CALB2: variants seen among roughly 807,000 people sequenced by gnomAD.
CALB2 encodes calbindin 2, also known as calretinin.
In CALB2, 34 loss-of-function variants were observed where a neutral mutation model predicts 45.9. The ratio of observed to expected loss-of-function variants is 0.74; its 90% CI spans 0.56 to 0.99. The LOEUF (loss-of-function observed/expected upper bound fraction) is 0.99. Ranked by LOEUF, CALB2 falls within the 50% of genes least tolerant of loss-of-function variation. The pLI, the probability that CALB2 is intolerant of heterozygous loss-of-function variation, is 0.00. For synonymous variants in CALB2, 142 were observed against 129.6 expected (o/e 1.10, Z -0.65); for missense variants, 344 against 339.3 (o/e 1.01, Z -0.11).
intron 10 of CALB2, among the ~76,000 whole-genome samples, chr16:71,388,648 C>T (rs1042728513): frequency 2.6e-5 from 4 of 151,998 alleles, no homozygotes; most frequent in South Asian, 4.2e-4. Flanking sequence ...AGTAGGCTGG[C>T]GAGCTTTATT....
intron 5 of CALB2, 91 bp from the exon 6 acceptor site, chr16:71,383,276 A>G: frequency 8.7e-7 from 1 of 1,144,706 alleles, no homozygotes. Flanking sequence ...ACACACACAC[A>G]TTGAGAGACT....
chr16:71,378,908 A>G (rs1340976613), intron 4 of CALB2, among the ~76,000 whole-genome samples: 4 of 152,356 alleles, frequency 2.6e-5, no homozygotes, highest in Admixed American at 2.6e-4. Flanking sequence ...ACAAAAGTCC[A>G]GTGAGGATTC....
chr16:71,374,835 G>A lies in CALB2; in HGVS notation c.261+1G>A, dbSNP rs1199190211. Reference sequence around the variant, plus strand: ...AGATGGGAAAATCGAGATGGCAGAGGTGAGCCCTGCCTCGCTGGTAAAGAG... The same window carrying A: ...AGATGGGAAAATCGAGATGGCAGAGATGAGCCCTGCCTCGCTGGTAAAGAG... On this transcript the variant is annotated splice_donor_variant, in intron 3 of 10. Transcript: ENST00000302628. LOFTEE classifies it high-confidence loss of function. The A allele has an allele frequency of 6.3e-7, 1 of 1,597,618 alleles. No homozygotes were observed. The highest frequency in any genetic ancestry group is 8.6e-7 in the Non-Finnish European group (1 of 1,165,322).
At chr16:71,376,769 C>T (rs1285793604) in intron 3 of CALB2, among the ~76,000 whole-genome samples, 2 of 151,618 alleles carry the variant, frequency 1.3e-5, no homozygotes, top group African/African-American at 4.9e-5. Context: ...CCACATATAT[C>T]TACATGCAAC....
intron 1 of CALB2, among the ~76,000 whole-genome samples, chr16:71,364,351 C>A (rs1046609794): frequency 6.6e-6 from 1 of 152,234 alleles, no homozygotes; most frequent in Non-Finnish European, 1.5e-5. Context: ...ACTTCAGCAG[C>A]TTTACCAGCC....
Position 71,380,497 on chromosome 16 carries a change from G to A in CALB2, c.343-2222G>A, listed in dbSNP as rs551091704. Among the ~76,000 whole-genome samples, 10 of 151,546 alleles carry A rather than the reference G, an allele frequency of 6.6e-5. No individual in the cohort carries two copies. The South Asian group carries it at 1.9e-3, about 28-fold the overall frequency. On this transcript the variant is annotated intron_variant, in intron 4 of 10. Coordinates refer to ENST00000302628, the MANE Select transcript of CALB2 (RefSeq NM_001740.5). The stretch of plus-strand genomic sequence containing the variant: ...TGAATTTTGTATTTTTAATAGAGAC[G>A]GGGTTTCTCCATGCTGGTCAGGCTG...
chr16:71,384,360 C>T lies in CALB2; in HGVS notation c.555C>T (p.Asn185=), dbSNP rs747568029. The T allele has an allele frequency of 1.8e-5, 29 of 1,611,074 alleles. No homozygotes were observed. The South Asian group carries it at 3.2e-4, about 18-fold the overall frequency. The change falls in exon 8 of 11, where the codon AAC becomes AAT. Residue 185 remains asparagine, a synonymous_variant. Coordinates refer to ENST00000302628, the MANE Select transcript of CALB2 (RefSeq NM_001740.5). ...CCAGACTCCTGCCTGTCCAGGAAAA[C>T]TTCCTGCTTAAATTTCAGGTAAAAC... ...EMSRLLPVQE[N]FLLKFQGMKL... is the part of the protein sequence containing the mutation.
intron 4 of CALB2, among the ~76,000 whole-genome samples, chr16:71,382,379 T>C (rs1027254963): frequency 5.9e-5 from 9 of 152,172 alleles, no homozygotes; most frequent in East Asian, 3.9e-4. Context: ...TACAGGACCA[T>C]TGGATGAGTT....
intron 8 of CALB2, 141 bp downstream of exon 8, chr16:71,384,519 AAC>A (rs1032740992): frequency 1.5e-5 from 11 of 716,486 alleles, no homozygotes; most frequent in African/African-American, 7.6e-5. Flanking sequence ...CCACACACAC[AAC>A]ACACACAGAT....
chr16:71,377,621 G>A (rs373286098), intron 3 of CALB2, 46 bp from the exon 4 acceptor site: 29 of 1,397,340 alleles, frequency 2.1e-5, no homozygotes, highest in Non-Finnish European at 2.5e-5. Context: ...TCTGCTCCCT[G>A]TCAAGTCCCT....
intron 3 of CALB2, among the ~76,000 whole-genome samples, chr16:71,376,708 C>CCCACATACAACCACATACAT (rs2042419218): frequency 1.3e-5 from 2 of 151,388 alleles, no homozygotes; most frequent in African/African-American, 4.8e-5. Flanking sequence ...ACCACATGCA[C>CCCACATACAACCACATACAT]CCACATACAA....
intron 6 of CALB2, 96 bp downstream of exon 6, chr16:71,383,540 T>C (rs2042525997): frequency 6.3e-6 from 7 of 1,109,254 alleles, no homozygotes; most frequent in Middle Eastern, 2.4e-4. Context: ...TTGCTGATTC[T>C]TCAGGCCCAA....
At position 71,384,844 on chromosome 16, in the gene CALB2, A is replaced by G; in HGVS notation, c.627+8A>G. Reference sequence around the variant, plus strand: ...TTCACATTTTACGACAAGGTAAGAGAGGGAGTTGGCATGGCAGGGAAAATC... The same window carrying G: ...TTCACATTTTACGACAAGGTAAGAGGGGGAGTTGGCATGGCAGGGAAAATC... On this transcript the variant is annotated splice_region_variant and intron_variant, in intron 9 of 10. Coordinates refer to ENST00000302628, the MANE Select transcript of CALB2 (RefSeq NM_001740.5). The G allele has an allele frequency of 1.2e-6, 2 of 1,611,984 alleles. No homozygotes were observed. The highest frequency in any genetic ancestry group is 1.7e-6 in the Non-Finnish European group (2 of 1,178,608).
At chr16:71,381,126 T>G (rs1286487973) in intron 4 of CALB2, among the ~76,000 whole-genome samples, 1 of 152,186 alleles carries the variant, frequency 6.6e-6, no homozygotes, top group Non-Finnish European at 1.5e-5. Flanking sequence ...TTTAGGCAAC[T>G]TGGAGGGGGT....
chr16:71,379,523 C>G (rs1352641793), intron 4 of CALB2, among the ~76,000 whole-genome samples: 1 of 152,150 alleles, frequency 6.6e-6, no homozygotes, highest in Non-Finnish European at 1.5e-5. Flanking sequence ...AGCAAACTAC[C>G]AATTATTTCT....
intron 3 of CALB2, among the ~76,000 whole-genome samples, chr16:71,376,556 C>T (rs748090235): frequency 3.9e-5 from 6 of 152,178 alleles, no homozygotes; most frequent in Non-Finnish European, 7.3e-5. Context: ...CAACCACACA[C>T]ACCCACATAC....
chr16:71,363,930 T>C lies in CALB2; in HGVS notation c.94+5044T>C, dbSNP rs572019360. Among the ~76,000 whole-genome samples the C allele has an allele frequency of 8.6e-4, 131 of 152,294 alleles. 1 individual carries two copies. Among genetic ancestry groups the C allele is most frequent in the Non-Finnish European group, 1.3e-3 (86 of 68,012 alleles). On this transcript the variant is annotated intron_variant, in intron 1 of 10. Transcript: ENST00000302628. ...CTGTTAGTGAACCTCTGGGGGTCTG[T>C]ATACCTCTCAGCTGGGCGTGGCGTG...
chr16:71,383,316 A>C, intron 5 of CALB2, 51 bp from the exon 6 acceptor site: 2 of 1,505,402 alleles, frequency 1.3e-6, no homozygotes, highest in Non-Finnish European at 1.8e-6. Context: ...GAAATGAATG[A>C]GGGACCGAAT....
Position 71,385,632 on chromosome 16 carries a change from A to T in CALB2, c.683A>T (p.Tyr228Phe), listed in dbSNP as rs1476523746. The T allele has an allele frequency of 6.2e-7, 1 of 1,613,958 alleles. No homozygotes were observed. Among genetic ancestry groups the T allele is most frequent in the South Asian group, 1.1e-5 (1 of 91,072 alleles). Residue 228 changes from tyrosine to phenylalanine, a missense_variant, in exon 10 of 11, where the codon TAC becomes TTC. Coordinates refer to ENST00000302628, the MANE Select transcript of CALB2 (RefSeq NM_001740.5). ...CTGGATGCCCTTTTGAAGGATCTGT[A>T]CGAGAAAAACAAAAAGGTGAGCAGC... is the stretch of plus-strand genomic sequence containing the variant. ...HELDALLKDL[Y>F]EKNKKEMNIQ...
Sources: gnomAD v4.1 joint callset for allele counts (sites outside exome capture counted in the v4.1 genomes callset) on GRCh38, gnomAD v4.1.1 for gene constraint, MANE v1.5 for transcripts, NCBI Gene and HGNC (gene_info 2026-07-23, HGNC 2026-07-21) for gene names.